METTL25: variants seen among roughly 807,000 people sequenced by gnomAD.
The protein encoded by METTL25 is methyltransferase like 25, also known as probable methyltransferase-like protein 25.
Under a neutral mutation model 71.6 loss-of-function variants are expected in METTL25, and 64 were observed. The ratio of observed to expected loss-of-function variants is 0.89; its 90% confidence interval spans 0.73 to 1.10. The LOEUF is 1.10. METTL25 is among the 50% of genes least tolerant of loss of function. The pLI, the probability that METTL25 is intolerant of heterozygous loss-of-function variation, is 0.00. For synonymous variants in METTL25, 287 were observed against 250.3 expected (o/e 1.15, Z -1.38); for missense variants, 807 against 707.0 (o/e 1.14, Z -1.60).
intron 5 of METTL25, among the ~76,000 whole-genome samples, chr12:82,403,861 C>G (rs187175199): frequency 1.7e-4 from 26 of 152,146 alleles, no homozygotes; most frequent in African/African-American, 5.8e-4. Flanking sequence ...AATAGTAGTT[C>G]GTTTTTATGT....
At chr12:82,429,788 C>T (rs1889341217) in intron 5 of METTL25, among the ~76,000 whole-genome samples, 1 of 151,332 alleles carries the variant, frequency 6.6e-6, no homozygotes, top group African/African-American at 2.4e-5. Flanking sequence ...AGTTGTTTTG[C>T]TGTTGAGTTG....
chr12:82,451,966 A>G (rs1891177339), intron 8 of METTL25, among the ~76,000 whole-genome samples: 1 of 152,010 alleles, frequency 6.6e-6, no homozygotes, highest in Non-Finnish European at 1.5e-5. Context: ...ATTATTTTCT[A>G]TCATGTCTGT....
chr12:82,447,077 C>G (rs951887038), intron 8 of METTL25, among the ~76,000 whole-genome samples: 1 of 151,290 alleles, frequency 6.6e-6, no homozygotes, highest in Non-Finnish European at 1.5e-5. Flanking sequence ...AAAGCAAAAA[C>G]CAAATCCAAA....
chr12:82,390,828 G>A (rs757967436), intron 3 of METTL25, among the ~76,000 whole-genome samples: 24 of 152,036 alleles, frequency 1.6e-4, no homozygotes, highest in African/African-American at 4.8e-4. Flanking sequence ...ATACTTAGCC[G>A]GAGTCGAAGA....
chr12:82,362,019 C>A lies in METTL25; in HGVS notation c.259+3195C>A, dbSNP rs147226964. 3.1e-3 allele frequency among the ~76,000 whole-genome samples: 475 copies of A among 152,274 alleles called. 3 individuals carry two copies. The highest frequency in any genetic ancestry group is 5.2e-3 in the Non-Finnish European group (355 of 68,016). ...GAGGAGTTACAAGTAAACATAATTCCCAGAGCGCAATGCACAGTTTGGAAA... is the reference window on the plus strand; with the variant it reads ...GAGGAGTTACAAGTAAACATAATTCACAGAGCGCAATGCACAGTTTGGAAA... On this transcript the variant is annotated intron_variant, in intron 1 of 11. Coordinates refer to ENST00000248306, the MANE Select transcript of METTL25 (RefSeq NM_032230.3).
At chr12:82,408,028 T>G in intron 5 of METTL25, 2 of 848,514 alleles carry the variant, frequency 2.4e-6, no homozygotes, top group Non-Finnish European at 2.8e-6. Flanking sequence ...TTGACACTTT[T>G]AGTGTATAGA....
chr12:82,450,417 T>G (rs1180188587), intron 8 of METTL25, among the ~76,000 whole-genome samples: 1 of 152,116 alleles, frequency 6.6e-6, no homozygotes, highest in Non-Finnish European at 1.5e-5. Context: ...TTTTCACTTT[T>G]CACCGTCCTC....
chr12:82,457,067 A>C (rs1236472844), intron 9 of METTL25, among the ~76,000 whole-genome samples: 2 of 152,010 alleles, frequency 1.3e-5, no homozygotes, highest in Non-Finnish European at 2.9e-5. Flanking sequence ...GCCAATTTAC[A>C]AATCAAAATA....
intron 4 of METTL25, among the ~76,000 whole-genome samples, chr12:82,400,375 G>T (rs909741001): frequency 1.3e-5 from 2 of 151,756 alleles, no homozygotes; most frequent in South Asian, 4.2e-4. Flanking sequence ...ATAAATAAAA[G>T]AGATAGTAGA....
intron 4 of METTL25, among the ~76,000 whole-genome samples, chr12:82,401,478 A>T (rs1886617305): frequency 6.6e-6 from 1 of 152,052 alleles, no homozygotes; most frequent in South Asian, 2.1e-4. Flanking sequence ...TACTGTTATT[A>T]TCTCCATCTT....
intron 9 of METTL25, chr12:82,474,732 C>G (rs1892782983): frequency 6.6e-6 from 1 of 152,242 alleles, no homozygotes. Flanking sequence ...TTTTGGATCT[C>G]TTAAAACAAC....
intron 7 of METTL25, among the ~76,000 whole-genome samples, chr12:82,437,814 G>T (rs1481046236): frequency 1.3e-5 from 2 of 151,386 alleles, no homozygotes; most frequent in Admixed American, 6.6e-5. Context: ...CCGTATTGTT[G>T]TCCTCCTTCT....
intron 9 of METTL25, among the ~76,000 whole-genome samples, chr12:82,471,559 G>T (rs1892570404): frequency 6.6e-6 from 1 of 152,186 alleles, no homozygotes. Flanking sequence ...TAAGAATAGG[G>T]TGAGAGTTCT....
intron 1 of METTL25, among the ~76,000 whole-genome samples, chr12:82,383,110 C>T (rs1884601243): frequency 6.6e-6 from 1 of 152,030 alleles, no homozygotes; most frequent in Non-Finnish European, 1.5e-5. Context: ...TAGGATATCA[C>T]TGTATATTGA....
chr12:82,420,575 T>C (rs1051166577), intron 5 of METTL25, among the ~76,000 whole-genome samples: 1 of 152,106 alleles, frequency 6.6e-6, no homozygotes, highest in Non-Finnish European at 1.5e-5. Context: ...CAGGTGTGAA[T>C]TGTTCATTCA....
intron 8 of METTL25, among the ~76,000 whole-genome samples, chr12:82,443,490 A>G (rs1199366917): frequency 1.3e-5 from 2 of 151,938 alleles, no homozygotes; most frequent in Non-Finnish European, 2.9e-5. Flanking sequence ...GAAAAAAAAG[A>G]ATGCAGTATG....
At chr12:82,469,695 G>A (rs778409128) in intron 9 of METTL25, among the ~76,000 whole-genome samples, 1 of 151,808 alleles carries the variant, frequency 6.6e-6, no homozygotes, top group African/African-American at 2.4e-5. Flanking sequence ...AGTGCAAGCA[G>A]AAGATGATAT....
intron 1 of METTL25, among the ~76,000 whole-genome samples, chr12:82,370,640 A>G (rs1339921724): frequency 6.6e-6 from 1 of 152,196 alleles, no homozygotes; most frequent in Non-Finnish European, 1.5e-5. Context: ...ATTATCAATT[A>G]TAGTTTTAAA....
Position 82,386,823 on chromosome 12 carries a change from A to G in METTL25, c.280A>G (p.Ile94Val), listed in dbSNP as rs755888176. ...WEAGMTDFPK[I>V]FCETSQKLVS... is the part of the protein sequence containing the mutation. The stretch of plus-strand genomic sequence containing the variant: ...TTTAGGTATGACTGATTTTCCCAAA[A>G]TATTTTGTGAAACTTCTCAGAAGTT... Residue 94 changes from isoleucine to valine, a missense_variant, in exon 2 of 12, where the codon ATA becomes GTA. By Grantham distance (29) the Ile-to-Val change is conservative (BLOSUM62 3). Coordinates refer to ENST00000248306, the MANE Select transcript of METTL25 (RefSeq NM_032230.3). The G allele has an allele frequency of 2.5e-6, 4 of 1,613,016 alleles. No individual in the cohort carries two copies. Among genetic ancestry groups the G allele is most frequent in the Non-Finnish European group, 3.4e-6 (4 of 1,179,424 alleles).
Sources: gnomAD v4.1 joint callset for allele counts (sites outside exome capture counted in the v4.1 genomes callset) on GRCh38, gnomAD v4.1.1 for gene constraint, MANE v1.5 for transcripts, NCBI Gene and HGNC (gene_info 2026-07-23, HGNC 2026-07-21) for gene names.